Variants in NFIA observed in about 807,000 individuals in gnomAD.
The protein encoded by NFIA is nuclear factor 1 A-type.
NFIA carries 8 observed loss-of-function variants against 62.8 expected under a neutral mutation model. The observed-to-expected ratio is 0.13, with a 90% confidence interval of 0.07 to 0.23. The LOEUF (loss-of-function observed/expected upper bound fraction) is 0.23, where lower values mean the gene tolerates loss of function less well. Ranked by LOEUF, NFIA falls within the 10% of genes least tolerant of loss-of-function variation. The pLI, the probability that NFIA is intolerant of heterozygous loss-of-function variation, is 1.00. For missense variants in NFIA, 410 were observed against 642.1 expected (o/e 0.64, Z 3.91); for synonymous variants, 235 against 238.1 (o/e 0.99, Z 0.12).
intron 9 of NFIA, among the ~76,000 whole-genome samples, chr1:61,425,653 C>T (rs1391577930): frequency 1.3e-5 from 2 of 152,134 alleles, no homozygotes; most frequent in African/African-American, 4.8e-5. Flanking sequence ...GCCAGTGAAA[C>T]AACAAAGCCA....
At chr1:61,252,703 T>G (rs1354733886) in intron 2 of NFIA, among the ~76,000 whole-genome samples, 2 of 152,138 alleles carry the variant, frequency 1.3e-5, no homozygotes, top group African/African-American at 4.8e-5. Context: ...TAACAGACAT[T>G]ATTAAATTTA....
chr1:61,227,216 T>C (rs943410012), intron 2 of NFIA, among the ~76,000 whole-genome samples: 2 of 152,232 alleles, frequency 1.3e-5, no homozygotes, highest in Admixed American at 1.3e-4. Flanking sequence ...TTGCTGAGAT[T>C]TGGATTGGCT....
chr1:61,251,737 A>T (rs1394675166), intron 2 of NFIA, among the ~76,000 whole-genome samples: 1 of 152,174 alleles, frequency 6.6e-6, no homozygotes, highest in Non-Finnish European at 1.5e-5. Context: ...GATTTTTTGT[A>T]TTAACACAGT....
intron 5 of NFIA, among the ~76,000 whole-genome samples, chr1:61,354,878 C>T (rs570588034): frequency 3.3e-5 from 5 of 152,194 alleles, no homozygotes; most frequent in South Asian, 2.1e-4. Flanking sequence ...CATTCAGCAG[C>T]GAACGTTATT....
chr1:61,281,397 TACA>T (rs1326399254), intron 3 of NFIA, among the ~76,000 whole-genome samples: 1 of 152,182 alleles, frequency 6.6e-6, no homozygotes, highest in Non-Finnish European at 1.5e-5. Flanking sequence ...TTGTCGTATT[TACA>T]ACGAGTACGT....
chr1:61,112,417 G>A (rs762221322), intron 2 of NFIA, among the ~76,000 whole-genome samples: 14 of 152,154 alleles, frequency 9.2e-5, no homozygotes, highest in Non-Finnish European at 1.6e-4. Flanking sequence ...GTGTATGTGT[G>A]TGTATATGTG....
At chr1:61,203,001 A>G (rs988801383) in intron 2 of NFIA, among the ~76,000 whole-genome samples, 6 of 152,254 alleles carry the variant, frequency 3.9e-5, no homozygotes, top group Non-Finnish European at 7.3e-5. Flanking sequence ...TTGTTGCTTC[A>G]CTTATTTTGA....
intron 2 of NFIA, among the ~76,000 whole-genome samples, chr1:61,173,063 C>G (rs989085528): frequency 6.6e-6 from 1 of 152,186 alleles, no homozygotes; most frequent in African/African-American, 2.4e-5. Context: ...GCTTGTAAGT[C>G]CTACCCAGGG....
chr1:61,082,948 C>A, intron 1 of NFIA, 130 bp downstream of exon 1: 1 of 492,758 alleles, frequency 2.0e-6, no homozygotes, highest in Non-Finnish European at 2.7e-6. Context: ...GTGTCTGTGT[C>A]TGCGCGTGTT....
intron 6 of NFIA, among the ~76,000 whole-genome samples, chr1:61,381,482 T>A (rs1450856766): frequency 6.6e-6 from 1 of 152,188 alleles, no homozygotes; most frequent in Non-Finnish European, 1.5e-5. Context: ...CTTAATTACT[T>A]CATTTTTAAT....
chr1:61,203,890 A>G (rs1198268512), intron 2 of NFIA, among the ~76,000 whole-genome samples: 1 of 152,196 alleles, frequency 6.6e-6, no homozygotes, highest in Non-Finnish European at 1.5e-5. Context: ...CATCCCCAAG[A>G]TCGTGGCCAG....
At chr1:61,406,352 G>A (rs1015525228) in intron 8 of NFIA, among the ~76,000 whole-genome samples, 3 of 152,122 alleles carry the variant, frequency 2.0e-5, no homozygotes, top group African/African-American at 7.2e-5. Context: ...GAGCACATGT[G>A]GCTAAGAGTA....
At chr1:61,426,683 C>G in intron 10 of NFIA, 127 bp downstream of exon 10, 2 of 709,950 alleles carry the variant, frequency 2.8e-6, no homozygotes, top group Non-Finnish European at 4.8e-6. Flanking sequence ...TCCTCCTGAT[C>G]CCACCAGCCA....
At chr1:61,140,965 G>GTTTTTT (rs35173386) in intron 2 of NFIA, among the ~76,000 whole-genome samples, 209 of 88,646 alleles carry the variant, frequency 2.4e-3, no homozygotes, top group Non-Finnish European at 3.4e-3. Context: ...CCACAGCTGG[G>GTTTTTT]TTTTTTTTTT....
At chr1:61,273,736 A>G (rs921243670) in intron 2 of NFIA, among the ~76,000 whole-genome samples, 4 of 152,208 alleles carry the variant, frequency 2.6e-5, no homozygotes, top group Non-Finnish European at 5.9e-5. Context: ...TCACCTTACT[A>G]CAGCATAATA....
At chr1:61,208,695 G>A (rs572428295) in intron 2 of NFIA, among the ~76,000 whole-genome samples, 9 of 152,254 alleles carry the variant, frequency 5.9e-5, no homozygotes, top group Admixed American at 2.6e-4. Flanking sequence ...AACCTTATAC[G>A]TAGTGGCTTG....
intron 2 of NFIA, among the ~76,000 whole-genome samples, chr1:61,192,497 T>G (rs568708160): frequency 1.4e-4 from 22 of 151,890 alleles, no homozygotes; most frequent in African/African-American, 5.3e-4. Flanking sequence ...TTCAGGAGTT[T>G]GAGACCAGCC....
At position 61,134,245 on chromosome 1, in the gene NFIA, A is replaced by AGTGTGTGT. The variant is rs61677972; in HGVS notation, c.559+45600_559+45607dup. ...GGGTGCTTTACAGACTGTGTGTGTG[A>AGTGTGTGT]GTGTGTGTGTGTGTGTGTGTGTGTG... On this transcript the variant is annotated intron_variant, in intron 2 of 10. Coordinates refer to ENST00000403491, the MANE Select transcript of NFIA (RefSeq NM_001134673.4). 2.3e-4 allele frequency among the ~76,000 whole-genome samples: 33 copies of AGTGTGTGT among 146,410 alleles called. No individual in the cohort carries two copies. The East Asian group carries it at 4.6e-3, about 21-fold the overall frequency.
chr1:61,392,932 T>C (rs1665054567), intron 7 of NFIA, among the ~76,000 whole-genome samples: 2 of 152,286 alleles, frequency 1.3e-5, no homozygotes, highest in South Asian at 2.1e-4. Flanking sequence ...CGCAGGCCTA[T>C]GTGTCCCAGT....
Sources: gnomAD v4.1 joint callset for allele counts (sites outside exome capture counted in the v4.1 genomes callset) on GRCh38, gnomAD v4.1.1 for gene constraint, MANE v1.5 for transcripts, NCBI Gene and HGNC (gene_info 2026-07-23, HGNC 2026-07-21) for gene names.